Variants in ATP9B observed in about 807,000 individuals in gnomAD.
ATP9B encodes the protein probable phospholipid-transporting ATPase IIB.
In ATP9B, 110 loss-of-function variants were observed where a neutral mutation model predicts 146.1. The ratio of observed to expected loss-of-function variants is 0.75; its 90% CI spans 0.65 to 0.88. The LOEUF (loss-of-function observed/expected upper bound fraction) is 0.88. ATP9B is among the 40% of genes least tolerant of loss of function. The pLI is 0.00. For missense variants in ATP9B, 1,499 were observed against 1,496.4 expected (o/e 1.00, Z -0.03); for synonymous variants, 604 against 569.7 (o/e 1.06, Z -0.86).
chr18:79,087,201 C>T (rs920423103), intron 1 of ATP9B: 1 of 152,180 alleles, frequency 6.6e-6, no homozygotes, highest in Admixed American at 6.5e-5. Flanking sequence ...GCAATATGCT[C>T]TCTTTATGAT....
chr18:79,349,045 C>T (rs9945501), intron 25 of ATP9B, among the ~76,000 whole-genome samples: 74,155 of 152,142 alleles, frequency 0.49, 18,280 homozygotes, highest in East Asian at 0.7. Context: ...AGCAGGCATG[C>T]GACGTGCATT....
chr18:79,143,380 G>T (rs1180088587), intron 5 of ATP9B, among the ~76,000 whole-genome samples: 1 of 152,062 alleles, frequency 6.6e-6, no homozygotes, highest in Non-Finnish European at 1.5e-5. Context: ...CATATAATTT[G>T]CTTTATTTCT....
rs949195605 is a variant in ATP9B, at chr18:79,073,640, G to C, written c.119+4111G>C. ...AAGCGGGAGACGGAGACGAGGGAGG[G>C]GGGAGACCGTGGAAAGCGGGAGACG... On this transcript the variant is annotated intron_variant, in intron 1 of 29. Coordinates refer to ENST00000426216, the MANE Select transcript of ATP9B (RefSeq NM_198531.5). Among the ~76,000 whole-genome samples, 3 of 152,026 alleles carry C rather than the reference G, an allele frequency of 2.0e-5. No individual in the cohort carries two copies. The East Asian group carries it at 5.8e-4, about 29-fold the overall frequency.
intron 19 of ATP9B, among the ~76,000 whole-genome samples, chr18:79,338,132 C>T (rs2096837888): frequency 6.6e-6 from 1 of 152,236 alleles, no homozygotes; most frequent in African/African-American, 2.4e-5. Context: ...AATACTCAGA[C>T]GTGCACTACA....
chr18:79,296,132 C>T (rs1338074771), intron 13 of ATP9B, among the ~76,000 whole-genome samples: 1 of 152,198 alleles, frequency 6.6e-6, no homozygotes, highest in East Asian at 1.9e-4. Flanking sequence ...CTTCCTGCCT[C>T]AGCCTCCCTA....
At chr18:79,349,508 CAGAG>C (rs1432936644) in intron 25 of ATP9B, among the ~76,000 whole-genome samples, 1 of 152,204 alleles carries the variant, frequency 6.6e-6, no homozygotes, top group Admixed American at 6.5e-5. Flanking sequence ...CCCAGGTCCA[CAGAG>C]AAACAGAGTC....
intron 11 of ATP9B, among the ~76,000 whole-genome samples, chr18:79,231,773 T>G: frequency 2.5e-5 from 2 of 81,176 alleles, no homozygotes; most frequent in South Asian, 6.7e-4. Flanking sequence ...AAAATGTGTG[T>G]GTGTGTATAT....
intron 12 of ATP9B, among the ~76,000 whole-genome samples, chr18:79,256,411 TG>T (rs1266578718): frequency 6.6e-6 from 1 of 150,802 alleles, no homozygotes; most frequent in Non-Finnish European, 1.5e-5. Flanking sequence ...TTAAATCCCA[TG>T]CTACCATCTT....
intron 2 of ATP9B, among the ~76,000 whole-genome samples, chr18:79,097,953 C>CT (rs2074939768): frequency 1.3e-5 from 2 of 152,024 alleles, no homozygotes; most frequent in Admixed American, 1.3e-4. Context: ...AATCGCCACA[C>CT]TGACTTCCAC....
intron 13 of ATP9B, among the ~76,000 whole-genome samples, chr18:79,285,750 G>A (rs1568576076): frequency 6.6e-6 from 1 of 152,150 alleles, no homozygotes; most frequent in Admixed American, 6.5e-5. Context: ...TATGGTTTTA[G>A]GTCTAACGTT....
chr18:79,244,294 G>A (rs1408142957), intron 11 of ATP9B, among the ~76,000 whole-genome samples: 1 of 152,144 alleles, frequency 6.6e-6, no homozygotes, highest in Non-Finnish European at 1.5e-5. Context: ...CACTTTGCTT[G>A]TGGAAAGGAA....
rs760563657 is a variant in ATP9B, at chr18:79,297,788, C to T, written c.1412-5816C>T. Among the ~76,000 whole-genome samples the T allele has an allele frequency of 2.7e-5, 3 of 112,840 alleles. 1 individual carries two copies. Among genetic ancestry groups the T allele is most frequent in the African/African-American group, 3.1e-5 (1 of 31,770 alleles). 74.0% of individuals were successfully genotyped at this position (112,840 alleles called of 152,430 possible). On this transcript the variant is annotated intron_variant, in intron 13 of 29. Transcript: ENST00000426216. The stretch of plus-strand genomic sequence containing the variant: ...TCGCCTTGATAAGACTCTACACTGT[C>T]GTGTAATAATTGTATCTAATGCTGG...
At chr18:79,292,279 G>A (rs1303870476) in intron 13 of ATP9B, among the ~76,000 whole-genome samples, 1 of 152,176 alleles carries the variant, frequency 6.6e-6, no homozygotes, top group African/African-American at 2.4e-5. Flanking sequence ...CTCTCTGTAT[G>A]TGTGACATGG....
chr18:79,279,347 TG>T (rs1191439718), intron 13 of ATP9B, among the ~76,000 whole-genome samples: 2 of 152,248 alleles, frequency 1.3e-5, no homozygotes, highest in African/African-American at 4.8e-5. Context: ...AACAGGTTTA[TG>T]GAACTTCAGA....
Position 79,130,423 on chromosome 18 carries a change from G to GAA in ATP9B, c.667+4057_667+4058dup, listed in dbSNP as rs35954284. Among the ~76,000 whole-genome samples the GAA allele has an allele frequency of 7.5e-4, 111 of 148,178 alleles. 1 individual carries two copies. Among genetic ancestry groups the GAA allele is most frequent in the East Asian group, 2.4e-3 (12 of 5,036 alleles). The stretch of plus-strand genomic sequence containing the variant: ...CCAGTTTGAGGAGCAGAAAGAATGG[G>GAA]AAAAAAAAAACAAAACCGCTCTTAA... On this transcript the variant is annotated intron_variant, in intron 5 of 29. Coordinates refer to ENST00000426216, the MANE Select transcript of ATP9B (RefSeq NM_198531.5).
chr18:79,096,745 CAAG>C, intron 2 of ATP9B, 96 bp downstream of exon 2: 3 of 975,292 alleles, frequency 3.1e-6, no homozygotes, highest in South Asian at 2.1e-5. Context: ...TATAAAAACT[CAAG>C]GAGATATTCC....
intron 26 of ATP9B, chr18:79,372,548 T>C (rs1400040756): frequency 1.7e-6 from 1 of 599,920 alleles, no homozygotes; most frequent in South Asian, 1.5e-5. Context: ...ACATCACTCC[T>C]GGCTTAGTAG....
intron 26 of ATP9B, among the ~76,000 whole-genome samples, chr18:79,371,778 G>T (rs1374241482): frequency 6.6e-6 from 1 of 152,310 alleles, no homozygotes; most frequent in East Asian, 1.9e-4. Context: ...GTGAGGGTTT[G>T]TCTTTCCTCT....
chr18:79,232,645 A>G (rs2095803113), intron 11 of ATP9B, among the ~76,000 whole-genome samples: 1 of 152,270 alleles, frequency 6.6e-6, no homozygotes, highest in African/African-American at 2.4e-5. Flanking sequence ...CATCATAGCC[A>G]GACTCAGGTA....
Sources: gnomAD v4.1 joint callset for allele counts (sites outside exome capture counted in the v4.1 genomes callset) on GRCh38, gnomAD v4.1.1 for gene constraint, MANE v1.5 for transcripts, NCBI Gene and HGNC (gene_info 2026-07-23, HGNC 2026-07-21) for gene names.